DYM: variants seen among roughly 807,000 people sequenced by gnomAD.
The protein encoded by DYM is dyggve-Melchior-Clausen syndrome protein.
A neutral mutation model predicts 93.1 loss-of-function variants in DYM; 78 were observed. The ratio of observed to expected loss-of-function variants is 0.84; its 90% CI spans 0.70 to 1.01. The LOEUF (loss-of-function observed/expected upper bound fraction) is 1.01, where lower values mean the gene tolerates loss of function less well. Among genes scored for constraint, DYM ranks in the 50% least tolerant of loss-of-function variants. DYM has a pLI of 0.00. For synonymous variants in DYM, 321 were observed against 319.7 expected, an observed-to-expected ratio of 1.00 and a Z score of -0.04; for missense variants, 789 against 845.0, an observed-to-expected ratio of 0.93 and a Z score of 0.82.
intron 13 of DYM, among the ~76,000 whole-genome samples, chr18:49,219,391 C>T (rs1301792479): frequency 1.3e-5 from 2 of 152,210 alleles, no homozygotes; most frequent in Non-Finnish European, 2.9e-5. Context: ...AGGGAACCCT[C>T]CCTAACTCAT....
chr18:49,393,429 A>T (rs2069642748), intron 2 of DYM, among the ~76,000 whole-genome samples: 1 of 152,226 alleles, frequency 6.6e-6, no homozygotes, highest in Non-Finnish European at 1.5e-5. Flanking sequence ...AGATAGATGG[A>T]TAAATGAAAT....
At chr18:49,413,408 G>GT in intron 2 of DYM, among the ~76,000 whole-genome samples, 1 of 152,274 alleles carries the variant, frequency 6.6e-6, no homozygotes, top group South Asian at 2.1e-4. Flanking sequence ...AACTGGTAAA[G>GT]TAACAATGAT....
At chr18:49,225,543 T>C (rs1389777829) in intron 13 of DYM, among the ~76,000 whole-genome samples, 2 of 152,048 alleles carry the variant, frequency 1.3e-5, no homozygotes, top group Non-Finnish European at 1.5e-5. Flanking sequence ...ATAGAGACTA[T>C]AATAATAATA....
At chr18:49,163,461 T>G (rs2145067377) in intron 15 of DYM, among the ~76,000 whole-genome samples, 1 of 152,294 alleles carries the variant, frequency 6.6e-6, no homozygotes, top group East Asian at 1.9e-4. Flanking sequence ...TTCTCCTGCC[T>G]CGGCCTCCCA....
intron 17 of DYM, among the ~76,000 whole-genome samples, chr18:49,045,129 G>A (rs1168129744): frequency 1.3e-5 from 2 of 152,212 alleles, no homozygotes; most frequent in African/African-American, 2.4e-5. Context: ...GCAGCTTGGT[G>A]ACCCTTGTCC....
chr18:49,261,999 A>T (rs983936389), intron 11 of DYM, among the ~76,000 whole-genome samples: 30 of 152,226 alleles, frequency 2.0e-4, no homozygotes, highest in African/African-American at 7.2e-4. Context: ...AATGTATTAG[A>T]ATGAATGGTT....
At chr18:49,142,149 C>T (rs2084581603) in intron 15 of DYM, among the ~76,000 whole-genome samples, 1 of 152,068 alleles carries the variant, frequency 6.6e-6, no homozygotes, top group Non-Finnish European at 1.5e-5. Flanking sequence ...GTGTGAGCCA[C>T]CGCGCCTGGC....
At chr18:49,045,431 T>C (rs1423899268) in intron 17 of DYM, among the ~76,000 whole-genome samples, 1 of 152,204 alleles carries the variant, frequency 6.6e-6, no homozygotes, top group Non-Finnish European at 1.5e-5. Flanking sequence ...AGACACACTG[T>C]AGATGCTTTG....
At chr18:49,196,385 T>C (rs904624749) in intron 14 of DYM, among the ~76,000 whole-genome samples, 2 of 151,998 alleles carry the variant, frequency 1.3e-5, no homozygotes, top group African/African-American at 4.8e-5. Context: ...TCAGCAAATA[T>C]GAAGCACCTA....
At position 49,206,003 on chromosome 18, in the gene DYM, G is replaced by GTTTTTTTTTTTTTTTT. The variant is rs72500406; in HGVS notation, c.1625+3547_1625+3548insAAAAAAAAAAAAAAAA. 624 of 142,468 alleles carry GTTTTTTTTTTTTTTTT rather than the reference G, an allele frequency of 4.4e-3. 13 individuals are homozygous for GTTTTTTTTTTTTTTTT. The highest frequency in any genetic ancestry group is 9.6e-3 in the Middle Eastern group (3 of 314). 8.8% of individuals were successfully genotyped at this position (142,468 alleles called of 1,614,324 possible). A position where few individuals can be genotyped will look rare whatever the true frequency, so the allele number is the denominator to read the frequency against. On this transcript the variant is annotated intron_variant, in intron 14 of 17. Coordinates refer to ENST00000675505, the MANE Select transcript of DYM (RefSeq NM_001353214.3). Reference sequence around the variant, plus strand: ...TTGACTAAGGTAGAGTTTTTTTTTTGTTTTTTTGTTTTTTGCGGAGTCTTG... The same window carrying GTTTTTTTTTTTTTTTT: ...TTGACTAAGGTAGAGTTTTTTTTTTGTTTTTTTTTTTTTTTTTTTTTTTGTTTTTTGCGGAGTCTTG...
chr18:49,422,601 C>A (rs929259120), intron 2 of DYM, among the ~76,000 whole-genome samples: 2 of 152,048 alleles, frequency 1.3e-5, no homozygotes, highest in South Asian at 2.1e-4. Context: ...CACAGACTGG[C>A]AAATTGGATA....
At chr18:49,333,991 A>T in intron 6 of DYM, 138 bp from the exon 7 acceptor site, 5 of 947,412 alleles carry the variant, frequency 5.3e-6, no homozygotes, top group Non-Finnish European at 7.7e-6. Flanking sequence ...AATACGTTTA[A>T]TACAAAAATT....
At chr18:49,416,296 A>C (rs2072982201) in intron 2 of DYM, among the ~76,000 whole-genome samples, 1 of 152,216 alleles carries the variant, frequency 6.6e-6, no homozygotes, top group Non-Finnish European at 1.5e-5. Context: ...AGTGAGATTA[A>C]GCAGCTTTCC....
intron 17 of DYM, among the ~76,000 whole-genome samples, chr18:49,071,576 A>C (rs182158659): frequency 1.7e-4 from 26 of 152,344 alleles, no homozygotes; most frequent in Non-Finnish European, 2.9e-4. Context: ...AGCATAGGCT[A>C]AGAGGTGGCT....
chr18:49,068,542 T>A (rs921612271), intron 17 of DYM, among the ~76,000 whole-genome samples: 1 of 152,182 alleles, frequency 6.6e-6, no homozygotes, highest in African/African-American at 2.4e-5. Context: ...TGTTTTTAAG[T>A]CATTGTAACA....
At chr18:49,171,142 C>T (rs1329133655) in intron 14 of DYM, among the ~76,000 whole-genome samples, 3 of 152,064 alleles carry the variant, frequency 2.0e-5, no homozygotes, top group African/African-American at 7.2e-5. Context: ...GAGAAATAAG[C>T]AGGATGTGAG....
chr18:49,150,599 G>A (rs972217349), intron 15 of DYM, among the ~76,000 whole-genome samples: 9 of 152,324 alleles, frequency 5.9e-5, no homozygotes, highest in Middle Eastern at 3.4e-3. Flanking sequence ...ATAGATTTCT[G>A]TTGTTCAAAC....
intron 2 of DYM, among the ~76,000 whole-genome samples, chr18:49,396,237 C>T (rs1000629750): frequency 2.6e-5 from 4 of 152,030 alleles, no homozygotes; most frequent in African/African-American, 7.3e-5. Context: ...CAGACCAAGA[C>T]GTTAGGAAAG....
At chr18:49,281,467 G>T (rs2094973862) in intron 10 of DYM, among the ~76,000 whole-genome samples, 1 of 152,164 alleles carries the variant, frequency 6.6e-6, no homozygotes, top group South Asian at 2.1e-4. Context: ...AGACCCAAAG[G>T]ATTATAAATC....
Sources: gnomAD v4.1 joint callset for allele counts (sites outside exome capture counted in the v4.1 genomes callset) on GRCh38, gnomAD v4.1.1 for gene constraint, MANE v1.5 for transcripts, NCBI Gene and HGNC (gene_info 2026-07-23, HGNC 2026-07-21) for gene names.